The following MKNK1 variants were observed in gnomAD, a reference collection of about 807,000 sequenced individuals.
MKNK1 encodes the protein MAPK interacting serine/threonine kinase 1, also known as MAP kinase-interacting serine/threonine-protein kinase 1.
Under a neutral mutation model 49.3 loss-of-function variants are expected in MKNK1, and 30 were observed. The ratio of observed to expected loss-of-function variants is 0.61; its 90% confidence interval spans 0.46 to 0.83. MKNK1 has a LOEUF of 0.83. Ranked by LOEUF, MKNK1 falls within the 40% of genes least tolerant of loss-of-function variation. The pLI is 0.00. For missense variants in MKNK1, 423 were observed against 524.7 expected (o/e 0.81, Z 1.89); for synonymous variants, 176 against 201.7 (o/e 0.87, Z 1.08).
At chr1:46,563,067 C>CAGAA in intron 9 of MKNK1, 1 of 487,928 alleles carries the variant, frequency 2.0e-6, no homozygotes, top group South Asian at 3.6e-5. Context: ...TTCAGGTCAC[C>CAGAA]TTATCCTTCC....
intron 2 of MKNK1, 114 bp downstream of exon 2, chr1:46,593,999 A>G: frequency 1.3e-6 from 1 of 745,350 alleles, no homozygotes; most frequent in Non-Finnish European, 2.3e-6. Flanking sequence ...TTCCTAGCTA[A>G]CTAACTAAGT....
intron 2 of MKNK1, among the ~76,000 whole-genome samples, chr1:46,590,698 T>C (rs981943620): frequency 6.6e-6 from 1 of 152,240 alleles, no homozygotes; most frequent in African/African-American, 2.4e-5. Flanking sequence ...AGAATGCTTT[T>C]GTTTATAAAC....
In MKNK1 at chr1:46,558,663, G is replaced by A. The variant is rs267598625; in HGVS notation, c.1151C>T (p.Ser384Phe). 1.2e-6 allele frequency: 2 copies of A among 1,614,168 alleles called. No homozygotes were observed. The highest frequency in any genetic ancestry group is 1.7e-4 in the Middle Eastern group (1 of 6,056). Reference sequence around the variant, plus strand: ...GGCCAGGCGTGACTTGCAGGGAGGGGAAAGCTTCATGGAGCAGAGGCCATC... The same window carrying A: ...GGCCAGGCGTGACTTGCAGGGAGGGAAAAGCTTCATGGAGCAGAGGCCATC... ...LADGLCSMKL[S>F]PPCKSRLARR... Residue 384 changes from serine (S) to phenylalanine (F), a missense_variant, in exon 13 of 13, where the codon TCC (serine) becomes TTC (phenylalanine). Physicochemically the swap from Ser to Phe is radical, Grantham distance 155. Transcript: ENST00000371945.
intron 1 of MKNK1, among the ~76,000 whole-genome samples, chr1:46,601,818 A>G (rs977799490): frequency 2.6e-5 from 4 of 152,352 alleles, no homozygotes; most frequent in South Asian, 2.1e-4. Flanking sequence ...TGCTGGCCCT[A>G]TGCTGGACAG....
At chr1:46,565,016 A>G in intron 9 of MKNK1, 25 bp downstream of exon 9, 1 of 1,599,554 alleles carries the variant, frequency 6.3e-7, no homozygotes, top group African/African-American at 1.3e-5. Flanking sequence ...CCAAATACTT[A>G]GGAGCCCAGA....
At chr1:46,574,721 T>C (rs1670701761) in intron 6 of MKNK1, 1 of 520,856 alleles carries the variant, frequency 1.9e-6, no homozygotes, top group African/African-American at 1.9e-5. Flanking sequence ...CCTATTATAA[T>C]GAAAAGGCAT....
chr1:46,563,674 A>G (rs1668444699), intron 9 of MKNK1: 1 of 152,258 alleles, frequency 6.6e-6, no homozygotes, highest in Admixed American at 6.5e-5. Flanking sequence ...GCTAAGAAAG[A>G]AACATTCCTG....
In MKNK1 at chr1:46,594,982, C is replaced by T. The variant is rs552837845; in HGVS notation, c.-170-702G>A. 381 of 219,698 alleles carry T rather than the reference C, an allele frequency of 1.7e-3. 3 individuals are homozygous for T. The highest frequency in any genetic ancestry group is 8.5e-3 in the African/African-American group (359 of 42,160). The allele number at this position is 219,698 out of a possible 1,614,324, so 13.6% of individuals were successfully genotyped here. A position where few individuals can be genotyped will look rare whatever the true frequency, so the allele number is the denominator to read the frequency against. On this transcript the variant is annotated intron_variant, in intron 1 of 12. Transcript: ENST00000371945. ...AACCTGGGTGACAGAGCGAGGCACT[C>T]CTCTGCTATCCACGTTTTTAGAGAA...
In MKNK1 at chr1:46,593,275, T is replaced by C. The variant is rs376456046; in HGVS notation, c.-3+838A>G. ...GTGCAGTGGCACAATCTCGGCTCAC[T>C]GCAGCCTCCGCCTCCCGGGTTCAAG... On this transcript the variant is annotated intron_variant, in intron 2 of 12. Coordinates refer to ENST00000371945, the MANE Select transcript of MKNK1 (RefSeq NM_001135553.4). 1.6e-4 allele frequency among the ~76,000 whole-genome samples: 24 copies of C among 152,322 alleles called. No individual in the cohort carries two copies. The East Asian group carries it at 2.7e-3, about 17-fold the overall frequency.
At chr1:46,560,787 C>T (rs1210229246) in intron 11 of MKNK1, among the ~76,000 whole-genome samples, 4 of 152,144 alleles carry the variant, frequency 2.6e-5, no homozygotes, top group Non-Finnish European at 5.9e-5. Context: ...TGGGAATGAG[C>T]CAGTTAGACA....
rs960450173 is a variant in MKNK1, at chr1:46,600,816, A to G, written c.-171+3369T>C. On this transcript the variant is annotated intron_variant, in intron 1 of 12. Transcript: ENST00000371945. ...AGTGTCTGGAACACAGCAAGTGTGCAATAAATGTTCGATGTTGTATTAACA... is the reference window on the plus strand; with the variant it reads ...AGTGTCTGGAACACAGCAAGTGTGCGATAAATGTTCGATGTTGTATTAACA... Among the ~76,000 whole-genome samples, 12 of 152,260 alleles carry G rather than the reference A, an allele frequency of 7.9e-5. No homozygotes were observed. In the South Asian group the frequency reaches 2.5e-3, roughly 31 times the overall value.
chr1:46,583,178 C>T (rs1671998713), intron 3 of MKNK1, 50 bp downstream of exon 3: 2 of 1,460,740 alleles, frequency 1.4e-6, no homozygotes, highest in East Asian at 2.3e-5. Context: ...GATGCTCCTC[C>T]CATGCTTGGG....
chr1:46,561,058 C>T (rs1311740495), intron 11 of MKNK1, among the ~76,000 whole-genome samples: 1 of 152,266 alleles, frequency 6.6e-6, no homozygotes, highest in Non-Finnish European at 1.5e-5. Context: ...TGTACCCAGA[C>T]TCCCAGACCA....
intron 2 of MKNK1, chr1:46,586,091 C>T (rs1237916445): frequency 2.5e-6 from 1 of 393,064 alleles, no homozygotes; most frequent in East Asian, 7.2e-5. Flanking sequence ...GCTAGTTGCC[C>T]ATGTGGAGCC....
chr1:46,591,610 G>C, intron 2 of MKNK1, among the ~76,000 whole-genome samples: 1 of 152,062 alleles, frequency 6.6e-6, no homozygotes, highest in Non-Finnish European at 1.5e-5. Context: ...GCTGACAAAG[G>C]TGGGCTGCGC....
chr1:46,592,183 T>C (rs1054259452), intron 2 of MKNK1, among the ~76,000 whole-genome samples: 1 of 152,204 alleles, frequency 6.6e-6, no homozygotes, highest in African/African-American at 2.4e-5. Context: ...GAGGTTGCAG[T>C]GAGCCGAGGT....
intron 8 of MKNK1, 161 bp downstream of exon 8, chr1:46,568,282 G>A: frequency 3.0e-6 from 2 of 657,062 alleles, no homozygotes; most frequent in Non-Finnish European, 5.4e-6. Flanking sequence ...ACGAGGATGG[G>A]CAGAAACATC....
At chr1:46,564,448 G>A (rs1668642031) in intron 9 of MKNK1, among the ~76,000 whole-genome samples, 1 of 143,600 alleles carries the variant, frequency 7.0e-6, no homozygotes. Flanking sequence ...TCAGGGCTCA[G>A]CCTGTGTTTT....
At chr1:46,575,316 A>G (rs1170133115) in intron 5 of MKNK1, 2 of 264,760 alleles carry the variant, frequency 7.6e-6, no homozygotes, top group South Asian at 8.6e-5. Flanking sequence ...TCCCGGTCAC[A>G]TTAAACTGAA....
Sources: allele counts gnomAD v4.1 joint callset (sites outside exome capture counted in the v4.1 genomes callset), GRCh38; gene constraint gnomAD v4.1.1; transcripts MANE v1.5; gene names NCBI Gene and HGNC (gene_info 2026-07-23, HGNC 2026-07-21).